The following DLGAP1 variants were observed in gnomAD, a reference collection of about 807,000 sequenced individuals.
The protein encoded by DLGAP1 is disks large-associated protein 1.
In DLGAP1, 11 loss-of-function variants were observed where a neutral mutation model predicts 90.8. The ratio of observed to expected loss-of-function variants is 0.12; its 90% CI spans 0.08 to 0.20. The LOEUF (loss-of-function observed/expected upper bound fraction) is 0.20. Among genes scored for constraint, DLGAP1 ranks in the 10% least tolerant of loss-of-function variants. The pLI is 1.00. For synonymous variants in DLGAP1, 558 were observed against 540.7 expected (o/e 1.03, Z -0.44); for missense variants, 1,050 against 1,333.8 (o/e 0.79, Z 3.31).
intron 7 of DLGAP1, among the ~76,000 whole-genome samples, chr18:3,632,706 C>CT (rs2058568093): frequency 2.6e-5 from 4 of 152,138 alleles, no homozygotes; most frequent in African/African-American, 9.7e-5. Context: ...GAGAAGATTA[C>CT]TTTCCTTGGG....
chr18:3,803,442 A>G (rs1208893455), intron 5 of DLGAP1, among the ~76,000 whole-genome samples: 1 of 152,180 alleles, frequency 6.6e-6, no homozygotes, highest in African/African-American at 2.4e-5. Flanking sequence ...AGCAGTGTCC[A>G]TCTCTTTTGG....
intron 2 of DLGAP1, among the ~76,000 whole-genome samples, chr18:4,015,496 T>G (rs1277486996): frequency 6.6e-6 from 1 of 152,240 alleles, no homozygotes; most frequent in African/African-American, 2.4e-5. Context: ...CCACACACTT[T>G]CTAATGTATC....
At chr18:4,321,072 C>T (rs1331358557) in intron 1 of DLGAP1, among the ~76,000 whole-genome samples, 1 of 152,144 alleles carries the variant, frequency 6.6e-6, no homozygotes, top group African/African-American at 2.4e-5. Flanking sequence ...TATTAATCCC[C>T]TTTTTCTCAT....
At chr18:4,163,108 C>G (rs557355745) in intron 1 of DLGAP1, among the ~76,000 whole-genome samples, 9 of 152,140 alleles carry the variant, frequency 5.9e-5, no homozygotes, top group Non-Finnish European at 1.3e-4. Context: ...AGAAAGACAT[C>G]TAAACCCAAG....
chr18:3,580,739 G>T, intron 8 of DLGAP1: 1 of 1,612,934 alleles, frequency 6.2e-7, no homozygotes, highest in Non-Finnish European at 8.5e-7. Context: ...GGACAGCCAC[G>T]CACCATCCCC....
intron 5 of DLGAP1, among the ~76,000 whole-genome samples, chr18:3,751,706 G>A (rs2063501336): frequency 6.6e-6 from 1 of 151,008 alleles, no homozygotes; most frequent in African/African-American, 2.4e-5. Context: ...CTAGAGGTGT[G>A]CGCGTGTGCC....
chr18:4,384,235 G>T (rs935529084), intron 1 of DLGAP1, among the ~76,000 whole-genome samples: 1 of 152,124 alleles, frequency 6.6e-6, no homozygotes, highest in Non-Finnish European at 1.5e-5. Context: ...AATTTTCATT[G>T]TGAAGGCAAC....
At chr18:3,932,973 A>C in intron 3 of DLGAP1, among the ~76,000 whole-genome samples, 1 of 152,150 alleles carries the variant, frequency 6.6e-6, no homozygotes, top group African/African-American at 2.4e-5. Flanking sequence ...AGGTGACAGA[A>C]GTTAGGGGTT....
intron 7 of DLGAP1, among the ~76,000 whole-genome samples, chr18:3,696,609 T>C (rs1485295316): frequency 6.6e-6 from 1 of 152,226 alleles, no homozygotes; most frequent in Non-Finnish European, 1.5e-5. Flanking sequence ...CAGTATTTTA[T>C]TGAGGATTTC....
At chr18:3,615,181 C>CA (rs1476916733) in intron 7 of DLGAP1, among the ~76,000 whole-genome samples, 3 of 152,098 alleles carry the variant, frequency 2.0e-5, no homozygotes, top group Non-Finnish European at 2.9e-5. Context: ...CTCGGCCTCT[C>CA]AAAGTGCTAG....
intron 2 of DLGAP1, among the ~76,000 whole-genome samples, chr18:4,092,569 GT>G (rs1439622191): frequency 1.3e-5 from 2 of 151,940 alleles, no homozygotes; most frequent in Non-Finnish European, 2.9e-5. Context: ...TATGGAGATT[GT>G]TTTTTTTCCT....
intron 1 of DLGAP1, among the ~76,000 whole-genome samples, chr18:4,172,010 T>G (rs563422982): frequency 8.5e-4 from 130 of 152,370 alleles, no homozygotes; most frequent in African/African-American, 3.0e-3. Flanking sequence ...GAAGATCAGA[T>G]GGAAGACAAT....
In DLGAP1 at chr18:3,534,407, C is replaced by A. The variant is rs760894795; in HGVS notation, c.2266G>T (p.Asp756Tyr). Reference protein sequence around the residue: ...NHYHACAADDDFDTDFDPSIL... With the variant: ...NHYHACAADDYFDTDFDPSIL... Reference sequence around the variant, plus strand: ...GAGGGGTCAAAATCCGTGTCAAAGTCATCATCGGCGGCACAGGCATGGTAA... The same window carrying A: ...GAGGGGTCAAAATCCGTGTCAAAGTAATCATCGGCGGCACAGGCATGGTAA... The change falls in exon 10 of 13, where the codon GAC (aspartate) becomes TAC (tyrosine). Residue 756 changes from aspartate (D) to tyrosine (Y), a missense_variant. This residue lies in a region of DLGAP1 where 565 missense variants were observed against 879.7 expected (regional missense o/e 0.64). Transcript: ENST00000315677. 6.2e-7 allele frequency: 1 copy of A among 1,614,176 alleles called. No homozygotes were observed. Among genetic ancestry groups the A allele is most frequent in the South Asian group, 1.1e-5 (1 of 91,070 alleles).
At chr18:4,441,966 A>G (rs1366899039) in intron 1 of DLGAP1, among the ~76,000 whole-genome samples, 1 of 152,178 alleles carries the variant, frequency 6.6e-6, no homozygotes, top group Admixed American at 6.5e-5. Context: ...CTGAGAACAT[A>G]TTCTGTAAAC....
At position 4,136,728 on chromosome 18, in the gene DLGAP1, C is replaced by T. The variant is rs188397698; in HGVS notation, c.-159+14452G>A. Reference sequence around the variant, plus strand: ...GTTGATTGTCTCCTTTGCTGTACAGCAGCTTTTTAACTTGATATGTCCTAT... The same window carrying T: ...GTTGATTGTCTCCTTTGCTGTACAGTAGCTTTTTAACTTGATATGTCCTAT... On this transcript the variant is annotated intron_variant, in intron 2 of 12. Coordinates refer to ENST00000315677, the MANE Select transcript of DLGAP1 (RefSeq NM_004746.4). 3.7e-3 allele frequency among the ~76,000 whole-genome samples: 567 copies of T among 152,216 alleles called. 3 individuals are homozygous for T. The highest frequency in any genetic ancestry group is 0.013 in the African/African-American group (531 of 41,546).
At chr18:3,840,484 C>G (rs1188832199) in intron 4 of DLGAP1, among the ~76,000 whole-genome samples, 1 of 152,196 alleles carries the variant, frequency 6.6e-6, no homozygotes, top group Non-Finnish European at 1.5e-5. Flanking sequence ...TAGTCTCCCT[C>G]TGCTTCCTTC....
intron 1 of DLGAP1, among the ~76,000 whole-genome samples, chr18:4,395,268 A>C (rs1309276334): frequency 6.6e-6 from 1 of 152,206 alleles, no homozygotes; most frequent in African/African-American, 2.4e-5. Context: ...ACTTTTATGT[A>C]ATATTTTCTT....
At chr18:4,215,111 T>C (rs1391495712) in intron 1 of DLGAP1, among the ~76,000 whole-genome samples, 5 of 152,142 alleles carry the variant, frequency 3.3e-5, no homozygotes, top group African/African-American at 1.2e-4. Flanking sequence ...CTTTTCATAA[T>C]ATGCAAGATA....
In DLGAP1 at chr18:4,348,731, C is replaced by T. The variant is rs572765503; in HGVS notation, c.-267+106275G>A. Among the ~76,000 whole-genome samples, 4 of 152,134 alleles carry T rather than the reference C, an allele frequency of 2.6e-5. No individual in the cohort carries two copies. The South Asian group carries it at 8.3e-4, about 32-fold the overall frequency. On this transcript the variant is annotated intron_variant, in intron 1 of 12. Transcript: ENST00000315677. ...GCATGTGCTCAAAATTTCGTGGCAT[C>T]AGAGTCACCCTGAAGGAGCCCCCAA...
Sources: allele counts gnomAD v4.1 joint callset (sites outside exome capture counted in the v4.1 genomes callset), GRCh38; gene constraint gnomAD v4.1.1; regional missense constraint gnomAD v4.1.1; transcripts MANE v1.5; gene names NCBI Gene and HGNC (gene_info 2026-07-23, HGNC 2026-07-21).